Variants in FBLN2 observed in about 807,000 individuals in gnomAD.
The protein encoded by FBLN2 is fibulin 2.
FBLN2 carries 81 observed loss-of-function variants against 123.7 expected under a neutral mutation model. The ratio of observed to expected loss-of-function variants is 0.65; its 90% confidence interval spans 0.55 to 0.79. The LOEUF is 0.79. Among genes scored for constraint, FBLN2 ranks in the 30% least tolerant of loss-of-function variants. The pLI, the probability that FBLN2 is intolerant of heterozygous loss-of-function variation, is 0.00. For missense variants in FBLN2, 1,603 were observed against 1,681.3 expected, an observed-to-expected ratio of 0.95 and a Z score of 0.81; for synonymous variants, 699 against 701.4, an observed-to-expected ratio of 1.00 and a Z score of 0.05.
chr3:13,609,364 C>A, intron 3 of FBLN2, 149 bp from the exon 4 acceptor site: 1 of 820,956 alleles, frequency 1.2e-6, no homozygotes, highest in Non-Finnish European at 1.9e-6. Context: ...ACCCATGCAA[C>A]CCAGTGGAGG....
chr3:13,592,810 G>A (rs1474268471), intron 2 of FBLN2, among the ~76,000 whole-genome samples: 1 of 152,022 alleles, frequency 6.6e-6, no homozygotes, highest in Non-Finnish European at 1.5e-5. Context: ...GTTTGCTTTG[G>A]CAACAGTTTA....
intron 2 of FBLN2, among the ~76,000 whole-genome samples, chr3:13,579,954 G>A (rs1704269975): frequency 6.6e-6 from 1 of 152,186 alleles, no homozygotes; most frequent in African/African-American, 2.4e-5. Context: ...CCTCCTTTGT[G>A]CCCCTCCTAG....
At chr3:13,552,543 C>G (rs569256236) in intron 1 of FBLN2, among the ~76,000 whole-genome samples, 7 of 152,254 alleles carry the variant, frequency 4.6e-5, no homozygotes, top group African/African-American at 1.7e-4. Flanking sequence ...AGGGCGCCTT[C>G]TGAATGCTGG....
chr3:13,576,359 C>T (rs752366669), intron 2 of FBLN2, among the ~76,000 whole-genome samples: 3 of 152,202 alleles, frequency 2.0e-5, no homozygotes, highest in Non-Finnish European at 4.4e-5. Flanking sequence ...GTCTGTGAAC[C>T]AAGTCCATAC....
chr3:13,624,924 G>C (rs1450106562), intron 9 of FBLN2, among the ~76,000 whole-genome samples: 1 of 152,284 alleles, frequency 6.6e-6, no homozygotes, highest in Non-Finnish European at 1.5e-5. Flanking sequence ...GGCGGTTTCT[G>C]AGTTGGTGGC....
intron 2 of FBLN2, among the ~76,000 whole-genome samples, chr3:13,606,881 G>A (rs1307819172): frequency 1.3e-5 from 2 of 152,040 alleles, no homozygotes; most frequent in Admixed American, 6.6e-5. Context: ...TCAAACTCCT[G>A]AACTCAGGTG....
At chr3:13,603,249 T>TTTTTA (rs199918491) in intron 2 of FBLN2, among the ~76,000 whole-genome samples, 75 of 149,756 alleles carry the variant, frequency 5.0e-4, no homozygotes, top group African/African-American at 1.8e-3. Context: ...TTTTTTTTTT[T>TTTTTA]AATTATACTT....
rs759176813 is a variant in FBLN2, at chr3:13,570,709, G to T, written c.354G>T (p.Pro118=). ...SCQFMLCPEL[P]PNCIEAVVVA... Reference sequence around the variant, plus strand: ...AGTTCATGCTGTGCCCGGAGCTGCCGCCCAACTGCATCGAGGCTGTAGTGG... The same window carrying T: ...AGTTCATGCTGTGCCCGGAGCTGCCTCCCAACTGCATCGAGGCTGTAGTGG... Residue 118 remains proline (P), a synonymous_variant, in exon 2 of 18, where the codon CCG becomes CCT. Transcript: ENST00000404922. 3.7e-4 allele frequency: 588 copies of T among 1,595,570 alleles called. 1 individual carries two copies. Among genetic ancestry groups the T allele is most frequent in the Non-Finnish European group, 4.7e-4 (554 of 1,171,636 alleles).
chr3:13,587,008 A>G (rs2124849607), intron 2 of FBLN2, among the ~76,000 whole-genome samples: 1 of 151,442 alleles, frequency 6.6e-6, no homozygotes, highest in East Asian at 2.0e-4. Context: ...AGCCGGTCAC[A>G]GTGGCGCAGG....
intron 9 of FBLN2, among the ~76,000 whole-genome samples, chr3:13,624,058 C>T (rs1245421991): frequency 1.3e-5 from 2 of 152,188 alleles, no homozygotes; most frequent in African/African-American, 4.8e-5. Context: ...AAAAGTGTTG[C>T]AGGTGGTCCA....
chr3:13,609,396 C>T, intron 3 of FBLN2, 117 bp from the exon 4 acceptor site: 1 of 1,207,070 alleles, frequency 8.3e-7, no homozygotes. Context: ...CTGCCACCTG[C>T]ACCGGCTCCC....
At chr3:13,599,455 G>C (rs12489424) in intron 2 of FBLN2, among the ~76,000 whole-genome samples, 56,025 of 151,936 alleles carry the variant, frequency 0.37, 10,669 homozygotes, top group Non-Finnish European at 0.42. Flanking sequence ...GTCAGGAGGG[G>C]AAGTGGGCAG....
At position 13,582,201 on chromosome 3, in the gene FBLN2, G is replaced by A. The variant is rs185401775; in HGVS notation, c.1306+10540G>A. On this transcript the variant is annotated intron_variant, in intron 2 of 17. Coordinates refer to ENST00000404922, the MANE Select transcript of FBLN2 (RefSeq NM_001004019.2). ...CCTGAGGCCCTGCTGAGAGGGTGGCGGCCTTCGAGCCCTGGGCTGCATCCT... is the reference window on the plus strand; with the variant it reads ...CCTGAGGCCCTGCTGAGAGGGTGGCAGCCTTCGAGCCCTGGGCTGCATCCT... 2.0e-4 allele frequency among the ~76,000 whole-genome samples: 31 copies of A among 152,246 alleles called. No individual in the cohort carries two copies. The East Asian group carries it at 5.6e-3, about 28-fold the overall frequency.
intron 4 of FBLN2, among the ~76,000 whole-genome samples, chr3:13,610,292 C>T (rs1433446927): frequency 3.9e-5 from 6 of 152,114 alleles, no homozygotes; most frequent in South Asian, 4.1e-4. Flanking sequence ...TGGCCATCAT[C>T]GGAAGGACTG....
chr3:13,575,426 C>T (rs910571524), intron 2 of FBLN2, among the ~76,000 whole-genome samples: 10 of 152,120 alleles, frequency 6.6e-5, no homozygotes, highest in African/African-American at 1.7e-4. Flanking sequence ...GCACACCAAA[C>T]GCTGCAGCTG....
chr3:13,584,028 C>G (rs1258913910), intron 2 of FBLN2, among the ~76,000 whole-genome samples: 1 of 152,186 alleles, frequency 6.6e-6, no homozygotes, highest in Non-Finnish European at 1.5e-5. Context: ...AGTGAAACAG[C>G]TTGTTGGAAA....
Position 13,618,154 on chromosome 3 carries a change from A to G in FBLN2, c.1808A>G (p.Asp603Gly), listed in dbSNP as rs757759334. Residue 603 changes from aspartate (D) to glycine (G), a missense_variant, in exon 6 of 18, where the codon GAT (aspartate) becomes GGT (glycine). Physicochemically the swap from Asp to Gly is moderately conservative, Grantham distance 94. Transcript: ENST00000404922. ...GAGCTGCCGAACAGCCTGCCGGGCG[A>G]TGACCAGGATGAGTGCCTTCTCCTC... is the stretch of plus-strand genomic sequence containing the variant. Reference protein sequence around the residue: ...EAELPNSLPGDDQDECLLLPG... With the variant: ...EAELPNSLPGGDQDECLLLPG... 1 of 1,613,722 alleles carries G rather than the reference A, an allele frequency of 6.2e-7. No homozygotes were observed. Among genetic ancestry groups the G allele is most frequent in the East Asian group, 2.2e-5 (1 of 44,864 alleles).
At chr3:13,618,872 C>T in intron 6 of FBLN2, 32 bp from the exon 7 acceptor site, 1 of 1,567,126 alleles carries the variant, frequency 6.4e-7, no homozygotes, top group Non-Finnish European at 8.7e-7. Context: ...TGAGACCTCC[C>T]TGCAACCCCC....
intron 2 of FBLN2, among the ~76,000 whole-genome samples, chr3:13,584,553 G>A (rs1029821679): frequency 6.6e-6 from 1 of 152,224 alleles, no homozygotes; most frequent in Admixed American, 6.5e-5. Context: ...GGCCTGCAGG[G>A]GAGACTGGTG....
Sources: allele counts gnomAD v4.1 joint callset (sites outside exome capture counted in the v4.1 genomes callset), GRCh38; gene constraint gnomAD v4.1.1; transcripts MANE v1.5; gene names NCBI Gene and HGNC (gene_info 2026-07-23, HGNC 2026-07-21).